Variants in C19orf47 observed in about 807,000 individuals in gnomAD.
C19orf47 encodes the protein uncharacterized protein C19orf47.
C19orf47 carries 18 observed loss-of-function variants against 32.3 expected under a neutral mutation model. That is an observed-to-expected ratio of 0.56 (90% CI 0.39 to 0.83). The LOEUF is 0.83. Ranked by LOEUF, C19orf47 falls within the 40% of genes least tolerant of loss-of-function variation. C19orf47 has a pLI of 0.00. For missense variants in C19orf47, 484 were observed against 531.6 expected, an observed-to-expected ratio of 0.91 and a Z score of 0.88; for synonymous variants, 202 against 211.1, an observed-to-expected ratio of 0.96 and a Z score of 0.37.
At chr19:40,299,361 G>T in the C19orf47 span, 1 of 152,032 alleles carries the variant, frequency 6.6e-6, no homozygotes, top group African/African-American at 2.4e-5. Context: ...TAGGATCCCA[G>T]ATCACTATAT....
chr19:40,306,251 C>T, the C19orf47 span, among the ~76,000 whole-genome samples: 2 of 151,494 alleles, frequency 1.3e-5, no homozygotes, highest in Non-Finnish European at 2.9e-5. Context: ...TGTTCTCCAA[C>T]CTAATTCTCA....
chr19:40,298,311 A>G, the C19orf47 span, among the ~76,000 whole-genome samples: 47 of 147,358 alleles, frequency 3.2e-4, no homozygotes, highest in Non-Finnish European at 6.0e-4. Flanking sequence ...CAAAAAAAAA[A>G]AAAAAAAAGA....
At chr19:40,337,455 G>C (rs1332268283) in intron 2 of C19orf47, among the ~76,000 whole-genome samples, 1 of 151,716 alleles carries the variant, frequency 6.6e-6, no homozygotes, top group Non-Finnish European at 1.5e-5. Context: ...CAACCTGCCA[G>C]GCCAGGTGAT....
At chr19:40,348,497 G>A, upstream of C19orf47, 1 of 1,497,114 alleles carries the variant, frequency 6.7e-7, no homozygotes, top group South Asian at 1.3e-5. Flanking sequence ...CCACCAGCGA[G>A]AGTGCGGCCA....
At chr19:40,326,579 A>G (rs921437826) in intron 6 of C19orf47, 93 bp from the exon 7 acceptor site, 11 of 1,425,834 alleles carry the variant, frequency 7.7e-6, no homozygotes, top group African/African-American at 1.4e-5. Flanking sequence ...ATCTCCACAC[A>G]TTCATGACTG....
chr19:40,313,139 A>T, the C19orf47 span, among the ~76,000 whole-genome samples: 1 of 152,160 alleles, frequency 6.6e-6, no homozygotes, highest in Non-Finnish European at 1.5e-5. Context: ...ACCAGCTTAC[A>T]TTCCATCAGC....
rs201127211 is a variant in C19orf47, at chr19:40,326,326, G to A, written c.592+8C>T. 2.5e-6 allele frequency: 4 copies of A among 1,614,046 alleles called. No individual in the cohort carries two copies. The highest frequency in any genetic ancestry group is 1.1e-5 in the South Asian group (1 of 91,084). On this transcript the variant is annotated splice_region_variant and intron_variant, in intron 7 of 8. Transcript: ENST00000683109. ...CCGCAGGGAAGCATGCCCCTGATGGGCCAGTACCTTTTGCAGCCTGCTGCT... is the reference window on the plus strand; with the variant it reads ...CCGCAGGGAAGCATGCCCCTGATGGACCAGTACCTTTTGCAGCCTGCTGCT...
chr19:40,339,980 C>CAAAAAAA (rs548548957), intron 2 of C19orf47, among the ~76,000 whole-genome samples: 2 of 68,660 alleles, frequency 2.9e-5, no homozygotes. Context: ...CATCTCAAAA[C>CAAAAAAA]AAAAAAAAAA....
chr19:40,314,010 C>T, the C19orf47 span, among the ~76,000 whole-genome samples: 18 of 152,080 alleles, frequency 1.2e-4, no homozygotes, highest in Admixed American at 3.3e-4. Context: ...TCTTGGTTTC[C>T]ACCACTGTTC....
chr19:40,308,661 G>A, the C19orf47 span, among the ~76,000 whole-genome samples: 4 of 148,320 alleles, frequency 2.7e-5, no homozygotes, highest in African/African-American at 5.0e-5. Context: ...ACAAGTTTTC[G>A]CCATGTTGGC....
At chr19:40,318,942 G>A (rs530489498), downstream of C19orf47, among the ~76,000 whole-genome samples, 1 of 152,332 alleles carries the variant, frequency 6.6e-6, no homozygotes, top group African/African-American at 2.4e-5. Context: ...ACAACAGTGT[G>A]AAAGTACTTA....
chr19:40,311,304 G>A, the C19orf47 span, among the ~76,000 whole-genome samples: 4 of 151,860 alleles, frequency 2.6e-5, no homozygotes, highest in South Asian at 6.2e-4. Context: ...GCTTGAACCC[G>A]GGAGGCACAG....
chr19:40,293,852 G>A, the C19orf47 span, among the ~76,000 whole-genome samples: 2 of 152,162 alleles, frequency 1.3e-5, no homozygotes, highest in African/African-American at 2.4e-5. Flanking sequence ...CGGGCGCAGC[G>A]GCTCATGCCT....
In C19orf47 at chr19:40,336,370, G is replaced by A. The variant is rs2078065913; in HGVS notation, c.57C>T (p.Gly19=). 1.2e-6 allele frequency: 2 copies of A among 1,614,070 alleles called. No individual in the cohort carries two copies. The highest frequency in any genetic ancestry group is 1.7e-5 in the Admixed American group (1 of 59,990). ...SEWIQFFKEA[G]IPPGPAVNYA... Reference sequence around the variant, plus strand: ...AATTGACGGCAGGTCCTGGAGGAATGCCGGCTTCCTTAAAGAACTGGATCC... The same window carrying A: ...AATTGACGGCAGGTCCTGGAGGAATACCGGCTTCCTTAAAGAACTGGATCC... The change falls in exon 3 of 9, where the codon GGC becomes GGT. Residue 19 remains glycine (G), a synonymous_variant. Coordinates refer to ENST00000683109, the MANE Select transcript of C19orf47 (RefSeq NM_001256441.2).
rs1432623314 is a variant in C19orf47 at position 40,345,416 on chromosome 19, A to C, written c.-34+2908T>G. 4.3e-4 allele frequency among the ~76,000 whole-genome samples: 66 copies of C among 151,844 alleles called. 1 individual carries two copies. The highest frequency in any genetic ancestry group is 1.5e-5 in the Non-Finnish European group (1 of 67,962). On this transcript the variant is annotated intron_variant, in intron 1 of 8. Transcript: ENST00000683109. The stretch of plus-strand genomic sequence containing the variant: ...CCTCAACTGCACAATAAGAATGGTA[A>C]GGCCGGGTACAGTAACTCACACCTG...
At position 40,322,247 on chromosome 19, in the gene C19orf47, G is replaced by C. The variant is rs1399650131; in HGVS notation, c.793C>G (p.Pro265Ala). The C allele has an allele frequency of 3.7e-6, 6 of 1,608,854 alleles. No individual in the cohort carries two copies. The highest frequency in any genetic ancestry group is 2.7e-5 in the African/African-American group (2 of 74,944). The change falls in exon 9 of 9, where the codon CCA becomes GCA. Residue 265 changes from proline to alanine, a missense_variant. Transcript: ENST00000683109. Reference sequence around the variant, plus strand: ...GCTGGCTGGGGACTGGCCTTGGCTGGGCCCCGTCCTAGCTTCTTCAGGACC... The same window carrying C: ...GCTGGCTGGGGACTGGCCTTGGCTGCGCCCCGTCCTAGCTTCTTCAGGACC... The part of the protein sequence containing the change: ...AGVLKKLGRG[P>A]AKASPQPALT...
the C19orf47 span, among the ~76,000 whole-genome samples, chr19:40,293,839 G>A: frequency 5.9e-5 from 9 of 152,102 alleles, no homozygotes; most frequent in Non-Finnish European, 1.2e-4. Flanking sequence ...TAGCAGGAGG[G>A]GCCGGGCGCA....
At chr19:40,319,393 T>G (rs1701768547), downstream of C19orf47, 1 of 153,642 alleles carries the variant, frequency 6.5e-6, no homozygotes, top group African/African-American at 2.4e-5. Context: ...CTTTACCTGC[T>G]CTCTCATTAA....
In C19orf47 at chr19:40,319,724, G is replaced by A. The variant is rs1487325475; in HGVS notation, c.*2158C>T. ...GGCTAATTTTTGTATTTTTAGTAGA[G>A]ACGGGGTTTCACCATCTTGGCCAGG... On this transcript the variant is annotated 3_prime_UTR_variant, in exon 9 of 9. Coordinates refer to ENST00000683109, the MANE Select transcript of C19orf47 (RefSeq NM_001256441.2). The A allele has an allele frequency of 6.5e-6, 1 of 153,210 alleles. No individual in the cohort carries two copies. Among genetic ancestry groups the A allele is most frequent in the African/African-American group, 2.4e-5 (1 of 41,374 alleles). 9.5% of individuals were successfully genotyped at this position (153,210 alleles called of 1,614,324 possible).
Sources: gnomAD v4.1 joint callset for allele counts (sites outside exome capture counted in the v4.1 genomes callset) on GRCh38, gnomAD v4.1.1 for gene constraint, MANE v1.5 for transcripts, NCBI Gene and HGNC (gene_info 2026-07-23, HGNC 2026-07-21) for gene names.